NALF1: variants seen among roughly 807,000 people sequenced by gnomAD.
The protein encoded by NALF1 is NALCN channel auxiliary factor 1.
A neutral mutation model predicts 48.4 loss-of-function variants in NALF1; 3 were observed. The ratio of observed to expected loss-of-function variants is 0.06; its 90% CI spans 0.03 to 0.16. The LOEUF (loss-of-function observed/expected upper bound fraction) is 0.16, where lower values mean the gene tolerates loss of function less well. Among genes scored for constraint, NALF1 ranks in the 10% least tolerant of loss-of-function variants. NALF1 has a pLI of 1.00. For missense variants in NALF1, 526 were observed against 571.5 expected (o/e 0.92, Z 0.81); for synonymous variants, 262 against 245.7 (o/e 1.07, Z -0.62).
chr13:107,623,332 A>T (rs1879577925), intron 1 of NALF1, among the ~76,000 whole-genome samples: 1 of 152,112 alleles, frequency 6.6e-6, no homozygotes, highest in Admixed American at 6.6e-5. Context: ...TCCTGACATG[A>T]ATTTTCTTCA....
At chr13:107,290,653 G>A (rs568648553) in intron 1 of NALF1, among the ~76,000 whole-genome samples, 4 of 152,214 alleles carry the variant, frequency 2.6e-5, no homozygotes, top group Admixed American at 1.3e-4. Flanking sequence ...CCAGTCTCGC[G>A]GGTATGTCTT....
At chr13:107,561,060 G>T (rs1245275159) in intron 1 of NALF1, among the ~76,000 whole-genome samples, 1 of 152,044 alleles carries the variant, frequency 6.6e-6, no homozygotes, top group Non-Finnish European at 1.5e-5. Context: ...GTCAGTATTT[G>T]TTTCTCTGAA....
rs1307028266 is a variant in NALF1, at chr13:107,660,483, AC to A, written c.915+205198del. On this transcript the variant is annotated intron_variant, in intron 1 of 2. Coordinates refer to ENST00000375915, the MANE Select transcript of NALF1 (RefSeq NM_001080396.3). ...CACACACACACACACACACACACAC[AC>A]AACAAAGAAACAAAAAAACAAACAA... Among the ~76,000 whole-genome samples the A allele has an allele frequency of 1.5e-3, 176 of 114,728 alleles. 4 individuals are homozygous for A. Among genetic ancestry groups the A allele is most frequent in the East Asian group, 0.012 (52 of 4,204 alleles). 75.3% of individuals were successfully genotyped at this position (114,728 alleles called of 152,430 possible).
chr13:107,236,058 T>C (rs1880335457), intron 1 of NALF1, among the ~76,000 whole-genome samples: 1 of 152,176 alleles, frequency 6.6e-6, no homozygotes, highest in South Asian at 2.1e-4. Flanking sequence ...TGTCTCCTAA[T>C]AGTGCCTAGG....
chr13:107,577,701 C>T (rs1878193112), intron 1 of NALF1, among the ~76,000 whole-genome samples: 1 of 152,148 alleles, frequency 6.6e-6, no homozygotes, highest in Non-Finnish European at 1.5e-5. Context: ...TTCTCTCCCT[C>T]AAGTTTTCTG....
At chr13:107,782,385 C>T (rs1254069311) in intron 1 of NALF1, among the ~76,000 whole-genome samples, 6 of 152,126 alleles carry the variant, frequency 3.9e-5, no homozygotes, top group Admixed American at 1.3e-4. Context: ...AGTGCAGTGG[C>T]GTGATCTCGG....
intron 1 of NALF1, among the ~76,000 whole-genome samples, chr13:107,752,476 G>A (rs1019434710): frequency 2.0e-5 from 3 of 152,004 alleles, no homozygotes; most frequent in Non-Finnish European, 4.4e-5. Flanking sequence ...CAGATAAATG[G>A]ATAGAACAAA....
intron 1 of NALF1, among the ~76,000 whole-genome samples, chr13:107,862,984 A>C (rs1223315522): frequency 6.6e-6 from 1 of 151,396 alleles, no homozygotes. Context: ...TTGTGGTGCT[A>C]ACATGATTTT....
chr13:107,817,285 C>A (rs527466832), intron 1 of NALF1, among the ~76,000 whole-genome samples: 49 of 152,216 alleles, frequency 3.2e-4, no homozygotes, highest in South Asian at 8.3e-4. Context: ...GTGGTTTGCA[C>A]AAAATCACAC....
rs964511947 is a variant in NALF1, at chr13:107,599,283, G to A, written c.915+266399C>T. On this transcript the variant is annotated intron_variant, in intron 1 of 2. Coordinates refer to ENST00000375915, the MANE Select transcript of NALF1 (RefSeq NM_001080396.3). ...AAAAAATACAAAAAATTAGCCAGGC[G>A]TGGTGGCGGGCATCTGTAGTCCCAG... Among the ~76,000 whole-genome samples the A allele has an allele frequency of 3.3e-5, 5 of 152,196 alleles. 1 individual carries two copies. Among genetic ancestry groups the A allele is most frequent in the Admixed American group, 2.0e-4 (3 of 15,294 alleles).
chr13:107,590,234 C>T (rs1183169849), intron 1 of NALF1, among the ~76,000 whole-genome samples: 5 of 151,934 alleles, frequency 3.3e-5, no homozygotes, highest in African/African-American at 1.2e-4. Context: ...TATTCAACAT[C>T]TGACTTGCAA....
intron 2 of NALF1, among the ~76,000 whole-genome samples, chr13:107,200,638 A>G (rs1267028971): frequency 6.6e-6 from 1 of 152,210 alleles, no homozygotes; most frequent in African/African-American, 2.4e-5. Context: ...ATGGCTAGGA[A>G]TAACTCAAAT....
chr13:107,478,213 C>T (rs980613129), intron 1 of NALF1, among the ~76,000 whole-genome samples: 2 of 152,122 alleles, frequency 1.3e-5, no homozygotes, highest in African/African-American at 4.8e-5. Context: ...TGGCAGTCAA[C>T]ACTCATTTTC....
At chr13:107,375,947 C>T (rs1594143617) in intron 1 of NALF1, among the ~76,000 whole-genome samples, 1 of 150,290 alleles carries the variant, frequency 6.7e-6, no homozygotes, top group African/African-American at 2.4e-5. Context: ...CACACACATA[C>T]ACACACACAC....
intron 1 of NALF1, among the ~76,000 whole-genome samples, chr13:107,420,512 T>C (rs1369737793): frequency 2.0e-5 from 3 of 152,176 alleles, no homozygotes; most frequent in Non-Finnish European, 4.4e-5. Context: ...TCAAATGTCT[T>C]TGACACTTTT....
intron 1 of NALF1, among the ~76,000 whole-genome samples, chr13:107,708,878 T>TC (rs2138517338): frequency 6.6e-6 from 1 of 152,320 alleles, no homozygotes; most frequent in African/African-American, 2.4e-5. Context: ...CCTGATGCTC[T>TC]CCCTTGTTTT....
chr13:107,340,805 G>T (rs1289161756), intron 1 of NALF1, among the ~76,000 whole-genome samples: 1 of 151,938 alleles, frequency 6.6e-6, no homozygotes, highest in Non-Finnish European at 1.5e-5. Context: ...AATAAACAAT[G>T]TTATCTTAAA....
chr13:107,668,867 T>C (rs1444585816), intron 1 of NALF1, among the ~76,000 whole-genome samples: 1 of 152,090 alleles, frequency 6.6e-6, no homozygotes, highest in Admixed American at 6.6e-5. Context: ...GGGGACGCTG[T>C]GAGCTTCATA....
chr13:107,274,496 A>G (rs903959278), intron 1 of NALF1, among the ~76,000 whole-genome samples: 2 of 152,188 alleles, frequency 1.3e-5, no homozygotes, highest in African/African-American at 4.8e-5. Flanking sequence ...CAGGAGTTCA[A>G]GGCTGCAGTG....
Sources: allele counts gnomAD v4.1 joint callset (sites outside exome capture counted in the v4.1 genomes callset), GRCh38; gene constraint gnomAD v4.1.1; transcripts MANE v1.5; gene names NCBI Gene and HGNC (gene_info 2026-07-23, HGNC 2026-07-21).